ATAD2B: variants seen among roughly 807,000 people sequenced by gnomAD.
ATAD2B encodes the protein ATPase family AAA domain-containing protein 2B.
In ATAD2B, 40 loss-of-function variants were observed where a neutral mutation model predicts 167.6. That is an observed-to-expected ratio of 0.24 (90% CI 0.19 to 0.31). ATAD2B has a LOEUF of 0.31. ATAD2B is among the 10% of genes least tolerant of loss of function. ATAD2B has a pLI of 1.00. For synonymous variants in ATAD2B, 579 were observed against 596.5 expected, an observed-to-expected ratio of 0.97 and a Z score of 0.43; for missense variants, 1,242 against 1,757.2, an observed-to-expected ratio of 0.71 and a Z score of 5.24.
chr2:23,770,494 A>G (rs1678167859), intron 22 of ATAD2B, among the ~76,000 whole-genome samples: 1 of 152,186 alleles, frequency 6.6e-6, no homozygotes, highest in Non-Finnish European at 1.5e-5. Flanking sequence ...ATAGGTTTTA[A>G]GTTCTTGTAT....
intron 17 of ATAD2B, among the ~76,000 whole-genome samples, chr2:23,813,271 TTA>T (rs1300704378): frequency 3.4e-5 from 5 of 148,602 alleles, no homozygotes; most frequent in African/African-American, 1.2e-4. Context: ...TTTATAAAAA[TTA>T]TATGAATTAT....
At chr2:23,804,922 C>A (rs990797889) in intron 18 of ATAD2B, among the ~76,000 whole-genome samples, 1 of 151,784 alleles carries the variant, frequency 6.6e-6, no homozygotes, top group African/African-American at 2.4e-5. Flanking sequence ...GCGGGTAGAT[C>A]ACCTGAGGTC....
the ATAD2B span, among the ~76,000 whole-genome samples, chr2:23,739,339 T>C: frequency 6.6e-5 from 10 of 152,120 alleles, no homozygotes; most frequent in African/African-American, 1.9e-4. Flanking sequence ...ACAGAAATTA[T>C]AACAAACTGT....
intron 3 of ATAD2B, 58 bp downstream of exon 3, chr2:23,888,289 ACTG>A: frequency 8.4e-7 from 1 of 1,185,456 alleles, no homozygotes; most frequent in Non-Finnish European, 1.2e-6. Flanking sequence ...TCCCCACTTT[ACTG>A]CTTTCTCTAA....
chr2:23,868,947 G>C (rs531511475), intron 9 of ATAD2B, among the ~76,000 whole-genome samples: 2 of 151,958 alleles, frequency 1.3e-5, no homozygotes, highest in Non-Finnish European at 2.9e-5. Context: ...AGAATAGTTC[G>C]GATTAAATAG....
At chr2:23,863,330 A>AC in intron 12 of ATAD2B, 51 bp downstream of exon 12, 1 of 1,503,662 alleles carries the variant, frequency 6.7e-7, no homozygotes. Context: ...CAAAGAAAGA[A>AC]AAGAACAGAA....
rs538787489 is a variant in ATAD2B, at chr2:23,911,390, CA to C, written c.216+15164del. On this transcript the variant is annotated intron_variant, in intron 1 of 27. Coordinates refer to ENST00000238789, the MANE Select transcript of ATAD2B (RefSeq NM_017552.4). ...GCATCTGGGTGAAACCCCATCTCTA[CA>C]AAAAATACAAAAAATTAGCCAGGCG... 7.2e-5 allele frequency among the ~76,000 whole-genome samples: 11 copies of C among 151,904 alleles called. No individual in the cohort carries two copies. In the South Asian group the frequency reaches 2.3e-3, roughly 32 times the overall value.
chr2:23,782,341 C>G (rs140364817), intron 22 of ATAD2B, among the ~76,000 whole-genome samples: 63 of 152,284 alleles, frequency 4.1e-4, no homozygotes, highest in African/African-American at 1.5e-3. Flanking sequence ...TGTTTTACTG[C>G]AGATATATTC....
chr2:23,827,077 A>G (rs1688367849), intron 15 of ATAD2B, among the ~76,000 whole-genome samples: 1 of 152,136 alleles, frequency 6.6e-6, no homozygotes, highest in South Asian at 2.1e-4. Context: ...TGAAGATCTG[A>G]ATTTGATTTT....
At chr2:23,822,480 G>C (rs1264729320) in intron 16 of ATAD2B, among the ~76,000 whole-genome samples, 3 of 151,926 alleles carry the variant, frequency 2.0e-5, no homozygotes. Flanking sequence ...GGGAGGCAGA[G>C]GTTACAGTGA....
intron 23 of ATAD2B, among the ~76,000 whole-genome samples, chr2:23,765,080 A>G (rs937610071): frequency 3.3e-5 from 5 of 152,226 alleles, no homozygotes; most frequent in South Asian, 4.1e-4. Flanking sequence ...ACAAACCACA[A>G]TTGCTAATTC....
intron 14 of ATAD2B, among the ~76,000 whole-genome samples, chr2:23,830,670 C>T (rs926034999): frequency 1.3e-5 from 2 of 152,096 alleles, no homozygotes; most frequent in Non-Finnish European, 2.9e-5. Context: ...AATGATATGA[C>T]ACTTATTTTC....
chr2:23,906,268 A>T (rs1701479880), intron 1 of ATAD2B, among the ~76,000 whole-genome samples: 1 of 151,872 alleles, frequency 6.6e-6, no homozygotes, highest in South Asian at 2.1e-4. Flanking sequence ...TTGAACCTGG[A>T]AGGCGGAGGC....
the ATAD2B span, among the ~76,000 whole-genome samples, chr2:23,685,846 T>A: frequency 3.9e-5 from 6 of 152,182 alleles, no homozygotes; most frequent in Non-Finnish European, 7.4e-5. Flanking sequence ...GGGGCCCGCA[T>A]CGGGCTGCCG....
intron 18 of ATAD2B, among the ~76,000 whole-genome samples, chr2:23,804,693 A>G (rs1297966067): frequency 2.0e-5 from 3 of 151,732 alleles, no homozygotes; most frequent in Non-Finnish European, 4.4e-5. Flanking sequence ...AAAAAACCCT[A>G]TAACATCAAT....
chr2:23,827,864 T>C (rs774925966), intron 15 of ATAD2B: 3 of 152,614 alleles, frequency 2.0e-5, no homozygotes, highest in Non-Finnish European at 4.4e-5. Flanking sequence ...GAGGTCCCTG[T>C]GGATGAAGAG....
At chr2:23,781,650 C>A (rs994196688) in intron 22 of ATAD2B, among the ~76,000 whole-genome samples, 1 of 151,220 alleles carries the variant, frequency 6.6e-6, no homozygotes, top group East Asian at 1.9e-4. Context: ...GGGCAACAGA[C>A]GGAGATTCCA....
At chr2:23,818,018 C>T (rs1337598061) in intron 17 of ATAD2B, among the ~76,000 whole-genome samples, 1 of 151,810 alleles carries the variant, frequency 6.6e-6, no homozygotes, top group East Asian at 1.9e-4. Context: ...TTGATACTTA[C>T]TTAGTTTCTG....
the ATAD2B span, among the ~76,000 whole-genome samples, chr2:23,742,473 A>T: frequency 6.8e-6 from 1 of 148,112 alleles, no homozygotes; most frequent in East Asian, 2.0e-4. Context: ...CAAACACCAC[A>T]TGTTCTCACT....
Sources: gnomAD v4.1 joint callset for allele counts (sites outside exome capture counted in the v4.1 genomes callset) on GRCh38, gnomAD v4.1.1 for gene constraint, MANE v1.5 for transcripts, NCBI Gene and HGNC (gene_info 2026-07-23, HGNC 2026-07-21) for gene names.